Variants in NFIA observed in about 807,000 individuals in gnomAD.
NFIA encodes the protein nuclear factor 1 A-type.
A neutral mutation model predicts 62.8 loss-of-function variants in NFIA; 8 were observed. The ratio of observed to expected loss-of-function variants is 0.13; its 90% confidence interval spans 0.07 to 0.23. The LOEUF (loss-of-function observed/expected upper bound fraction) is 0.23. NFIA is among the 10% of genes least tolerant of loss of function. The pLI is 1.00. For missense variants in NFIA, 410 were observed against 642.1 expected, an observed-to-expected ratio of 0.64 and a Z score of 3.91; for synonymous variants, 235 against 238.1, an observed-to-expected ratio of 0.99 and a Z score of 0.12.
chr1:61,233,581 T>A (rs1398006288), intron 2 of NFIA, among the ~76,000 whole-genome samples: 3 of 152,198 alleles, frequency 2.0e-5, no homozygotes, highest in Non-Finnish European at 4.4e-5. Context: ...GAATGAATAT[T>A]TGAATTTATA....
intron 9 of NFIA, among the ~76,000 whole-genome samples, chr1:61,426,005 T>C (rs142471716): frequency 6.6e-6 from 1 of 152,330 alleles, no homozygotes; most frequent in East Asian, 1.9e-4. Context: ...GATCTCTAGC[T>C]GTAGAGGCAC....
intron 9 of NFIA, among the ~76,000 whole-genome samples, chr1:61,415,956 T>C (rs1666329976): frequency 1.3e-5 from 2 of 152,142 alleles, no homozygotes; most frequent in South Asian, 2.1e-4. Context: ...TATTGTACAT[T>C]AGGAGCTCTT....
Position 61,332,590 on chromosome 1 carries a change from A to T in NFIA, c.700+4A>T. The T allele has an allele frequency of 6.2e-7, 1 of 1,613,476 alleles. No homozygotes were observed. The highest frequency in any genetic ancestry group is 8.5e-7 in the Non-Finnish European group (1 of 1,179,544). The stretch of plus-strand genomic sequence containing the variant: ...GAGCTAGTAAGAGTGTCACAGAGTA[A>T]GTATAATTTTGCTTTGATTTGGTAC... On this transcript the variant is annotated splice_donor_region_variant and intron_variant, in intron 4 of 10. Transcript: ENST00000403491.
At position 61,333,047 on chromosome 1, in the gene NFIA, G is replaced by GCACACACACA. The variant is rs71050120; in HGVS notation, c.700+472_700+481dup. Reference sequence around the variant, plus strand: ...TGTTATGACATAATCTAGCATGCACGCACACACACACACACACACATACAC... The same window carrying GCACACACACA: ...TGTTATGACATAATCTAGCATGCACGCACACACACACACACACACACACACACACATACAC... On this transcript the variant is annotated intron_variant, in intron 4 of 10. Coordinates refer to ENST00000403491, the MANE Select transcript of NFIA (RefSeq NM_001134673.4). 4.1e-3 allele frequency among the ~76,000 whole-genome samples: 592 copies of GCACACACACA among 144,764 alleles called. 3 individuals are homozygous for GCACACACACA. The highest frequency in any genetic ancestry group is 0.024 in the South Asian group (104 of 4,416). 95.0% of individuals were successfully genotyped at this position (144,764 alleles called of 152,430 possible).
intron 2 of NFIA, among the ~76,000 whole-genome samples, chr1:61,197,028 T>G (rs914149737): frequency 6.6e-6 from 1 of 152,074 alleles, no homozygotes; most frequent in East Asian, 1.9e-4. Flanking sequence ...AGTTGATGAA[T>G]TTTGAATTTC....
intron 6 of NFIA, among the ~76,000 whole-genome samples, chr1:61,377,022 G>C (rs1664180820): frequency 6.6e-6 from 1 of 151,946 alleles, no homozygotes; most frequent in Non-Finnish European, 1.5e-5. Flanking sequence ...TTCGAGACCA[G>C]CTTGGCCAAC....
At chr1:61,350,773 G>C (rs1570622175) in intron 4 of NFIA, among the ~76,000 whole-genome samples, 1 of 152,246 alleles carries the variant, frequency 6.6e-6, no homozygotes, top group East Asian at 1.9e-4. Context: ...CTGCTCTCTT[G>C]ATGCTGTTTC....
chr1:61,429,101 T>C (rs556715348), intron 10 of NFIA, among the ~76,000 whole-genome samples: 1 of 152,364 alleles, frequency 6.6e-6, no homozygotes, highest in African/African-American at 2.4e-5. Context: ...TGATGGGGTC[T>C]CTGTTTTTTC....
At chr1:61,181,932 G>T (rs1344273416) in intron 2 of NFIA, among the ~76,000 whole-genome samples, 1 of 152,162 alleles carries the variant, frequency 6.6e-6, no homozygotes, top group African/African-American at 2.4e-5. Context: ...TCATATATGG[G>T]TCAGAATGGT....
intron 2 of NFIA, among the ~76,000 whole-genome samples, chr1:61,100,301 G>A (rs1353021331): frequency 3.3e-5 from 5 of 152,032 alleles, no homozygotes; most frequent in African/African-American, 4.8e-5. Flanking sequence ...CCATCGGTGC[G>A]GATGCTCTTT....
chr1:61,139,878 C>CA (rs35520094), intron 2 of NFIA, among the ~76,000 whole-genome samples: 12,517 of 71,676 alleles, frequency 0.17, 845 homozygotes, highest in African/African-American at 0.3. Context: ...GGGAATTTAC[C>CA]AAAAAAAAAA....
In NFIA at chr1:61,458,343, T is replaced by A. The variant is rs774582602; in HGVS notation, c.*3023T>A. The A allele has an allele frequency of 1.3e-5, 2 of 152,176 alleles. No individual in the cohort carries two copies. Among genetic ancestry groups the A allele is most frequent in the East Asian group, 3.8e-4 (2 of 5,202 alleles). The allele number at this position is 152,176 out of a possible 1,614,324, so 9.4% of individuals were successfully genotyped here. ...AAATTGGTTGTATATACAATAAAATTGCACCCTTTTTTAAACAAAACAAAC... is the reference window on the plus strand; with the variant it reads ...AAATTGGTTGTATATACAATAAAATAGCACCCTTTTTTAAACAAAACAAAC... On this transcript the variant is annotated 3_prime_UTR_variant, in exon 11 of 11. Coordinates refer to ENST00000403491, the MANE Select transcript of NFIA (RefSeq NM_001134673.4).
chr1:61,104,059 T>C (rs969647775), intron 2 of NFIA, among the ~76,000 whole-genome samples: 1 of 152,152 alleles, frequency 6.6e-6, no homozygotes, highest in Non-Finnish European at 1.5e-5. Flanking sequence ...GTATAATCTT[T>C]ATACCAATAA....
Position 61,385,952 on chromosome 1 carries a change from G to A in NFIA, c.1075+2587G>A, listed in dbSNP as rs956186432. The A allele has an allele frequency of 9.9e-5, 15 of 152,138 alleles. No homozygotes were observed. The East Asian group carries it at 1.2e-3, about 12-fold the overall frequency. The allele number at this position is 152,138 out of a possible 1,614,324, so 9.4% of individuals were successfully genotyped here. ...ACCCGTTCTTACCGTGTCCCACCCC[G>A]CTTAGTGGTCTGGTGAAGGGAATTG... On this transcript the variant is annotated intron_variant, in intron 7 of 10. Transcript: ENST00000403491.
chr1:61,174,842 G>A (rs1178580307), intron 2 of NFIA, among the ~76,000 whole-genome samples: 2 of 152,098 alleles, frequency 1.3e-5, no homozygotes, highest in East Asian at 3.9e-4. Flanking sequence ...ACTGAAGTTG[G>A]GCTTTGCATT....
chr1:61,455,535 T>C lies in NFIA; in HGVS notation c.*215T>C. The C allele has an allele frequency of 1.6e-6, 1 of 639,804 alleles. No homozygotes were observed. Among genetic ancestry groups the C allele is most frequent in the Non-Finnish European group, 2.7e-6 (1 of 376,310 alleles). 39.6% of individuals were successfully genotyped at this position (639,804 alleles called of 1,614,324 possible). ...GGGATTTTTTTTTTTTTAAAATACT[T>C]TAGGGACTGTTGTAATTTCTCATAT... On this transcript the variant is annotated 3_prime_UTR_variant, in exon 11 of 11. Coordinates refer to ENST00000403491, the MANE Select transcript of NFIA (RefSeq NM_001134673.4).
At position 61,461,608 on chromosome 1, in the gene NFIA, AC is replaced by A. The variant is rs1668532745; in HGVS notation, c.*6290del. ...GGAAATGCTTAGAAAGATAAGGGGG[AC>A]CACCCACAGCTGGTCGTGAGAACAG... On this transcript the variant is annotated 3_prime_UTR_variant, in exon 11 of 11. Coordinates refer to ENST00000403491, the MANE Select transcript of NFIA (RefSeq NM_001134673.4). 1 of 152,112 alleles carries A rather than the reference AC, an allele frequency of 6.6e-6. No individual in the cohort carries two copies. The highest frequency in any genetic ancestry group is 1.5e-5 in the Non-Finnish European group (1 of 68,018). The allele number at this position is 152,112 out of a possible 1,614,324, so 9.4% of individuals were successfully genotyped here. A position where few individuals can be genotyped will look rare whatever the true frequency, so the allele number is the denominator to read the frequency against.
At chr1:61,372,566 T>A (rs1402093841) in intron 6 of NFIA, among the ~76,000 whole-genome samples, 2 of 134,960 alleles carry the variant, frequency 1.5e-5, no homozygotes, top group East Asian at 4.3e-4. Flanking sequence ...TTCTGATATG[T>A]CATTGTTGTT....
intron 2 of NFIA, among the ~76,000 whole-genome samples, chr1:61,182,720 C>T (rs1478164211): frequency 6.6e-6 from 1 of 152,158 alleles, no homozygotes; most frequent in Non-Finnish European, 1.5e-5. Flanking sequence ...TTCTTCTCTT[C>T]ATATTCCCCG....
Sources: gnomAD v4.1 joint callset for allele counts (sites outside exome capture counted in the v4.1 genomes callset) on GRCh38, gnomAD v4.1.1 for gene constraint, MANE v1.5 for transcripts, NCBI Gene and HGNC (gene_info 2026-07-23, HGNC 2026-07-21) for gene names.